Variants in MIF observed in about 807,000 individuals in gnomAD.
The protein encoded by MIF is macrophage migration inhibitory factor, also known as L-dopachrome isomerase.
MIF carries 16 observed loss-of-function variants against 11.3 expected under a neutral mutation model. The ratio of observed to expected loss-of-function variants is 1.42; its 90% CI spans 0.96 to 2.16. The LOEUF (loss-of-function observed/expected upper bound fraction) is 2.16, where lower values mean the gene tolerates loss of function less well. Among genes scored for constraint, MIF ranks in the 30% most tolerant of loss-of-function variants. MIF has a pLI of 0.00. For synonymous variants in MIF, 83 were observed against 74.2 expected (o/e 1.12, Z -0.61); for missense variants, 229 against 165.3 (o/e 1.39, Z -2.11).
At position 23,894,521 on chromosome 22, in the gene MIF, C is replaced by A. The variant is rs201862457; in HGVS notation, c.47C>A (p.Pro16Gln). 6.2e-7 allele frequency: 1 copy of A among 1,613,256 alleles called. No homozygotes were observed. The highest frequency in any genetic ancestry group is 1.1e-5 in the South Asian group (1 of 91,084). Residue 16 changes from proline to glutamine, a missense_variant, in exon 1 of 3, where the codon CCG (proline) becomes CAG (glutamine). By Grantham distance (76) the Pro-to-Gln change is moderately conservative. Transcript: ENST00000215754. Reference sequence around the variant, plus strand: ...ACCAACGTGCCCCGCGCCTCCGTGCCGGACGGGTTCCTCTCCGAGCTCACC... The same window carrying A: ...ACCAACGTGCCCCGCGCCTCCGTGCAGGACGGGTTCCTCTCCGAGCTCACC... ...VNTNVPRASV[P>Q]DGFLSELTQQ...
chr22:23,895,151 C>T lies in MIF; in HGVS notation c.*45C>T. ...TGTCTGCGCTGGCTCCACCCGGGAA[C>T]CCGCCGCACGCTGTGTTCTAGGCCC... On this transcript the variant is annotated 3_prime_UTR_variant, in exon 3 of 3. Transcript: ENST00000215754. 1.9e-6 allele frequency: 3 copies of T among 1,538,514 alleles called. No homozygotes were observed. The highest frequency in any genetic ancestry group is 2.6e-6 in the Non-Finnish European group (3 of 1,135,168).
rs200809051 is a variant in MIF at position 23,895,035 on chromosome 22, C to T, written c.282-5C>T. On this transcript the variant is annotated splice_region_variant and splice_polypyrimidine_tract_variant and intron_variant, in intron 2 of 2. Coordinates refer to ENST00000215754, the MANE Select transcript of MIF (RefSeq NM_002415.2). ...CCCGCTGAGTCCGGCCTCCTCCCCC[C>T]GCAGGGTCTACATCAACTATTACGA... 1 of 1,546,834 alleles carries T rather than the reference C, an allele frequency of 6.5e-7. No homozygotes were observed. The highest frequency in any genetic ancestry group is 1.9e-5 in the Admixed American group (1 of 51,348).
rs776261679 is a variant in MIF, at chr22:23,895,067, C to T, written c.309C>T (p.Asn103=). 9 of 1,558,964 alleles carry T rather than the reference C, an allele frequency of 5.8e-6. No homozygotes were observed. The Admixed American group carries it at 7.6e-5, about 13-fold the overall frequency. The change falls in exon 3 of 3, where the codon AAC becomes AAT. Residue 103 remains asparagine (N), a synonymous_variant. Coordinates refer to ENST00000215754, the MANE Select transcript of MIF (RefSeq NM_002415.2). ...DRVYINYYDM[N]AANVGWNNST... Reference sequence around the variant, plus strand: ...TCTACATCAACTATTACGACATGAACGCGGCCAATGTGGGCTGGAACAACT... The same window carrying T: ...TCTACATCAACTATTACGACATGAATGCGGCCAATGTGGGCTGGAACAACT...
In MIF at chr22:23,894,919, G is replaced by A. The variant is rs201060788; in HGVS notation, c.256G>A (p.Glu86Lys). Reference protein sequence around the residue: ...YSKLLCGLLAERLRISPDRVY... With the variant: ...YSKLLCGLLAKRLRISPDRVY... ...CAAGCTGCTGTGCGGCCTGCTGGCC[G>A]AGCGCCTGCGCATCAGCCCGGACAG... The change falls in exon 2 of 3, where the codon GAG (glutamate) becomes AAG (lysine). Residue 86 changes from glutamate to lysine, a missense_variant. Physicochemically the swap from Glu to Lys is moderately conservative, Grantham distance 56. Transcript: ENST00000215754. 1.3e-6 allele frequency: 2 copies of A among 1,553,632 alleles called. No homozygotes were observed. Among genetic ancestry groups the A allele is most frequent in the African/African-American group, 1.4e-5 (1 of 73,402 alleles).
Position 23,894,824 on chromosome 22 carries a change from G to T in MIF, c.161G>T (p.Ser54Ile), listed in dbSNP as rs763503862. Residue 54 changes from serine (S) to isoleucine (I), a missense_variant, in exon 2 of 3, where the codon AGC becomes ATC. Transcript: ENST00000215754. ...PDQLMAFGGS[S>I]EPCALCSLHS... ...CAGCTCATGGCCTTCGGCGGCTCCA[G>T]CGAGCCGTGCGCGCTCTGCAGCCTG... The T allele has an allele frequency of 1.3e-6, 2 of 1,555,032 alleles. No individual in the cohort carries two copies. Among genetic ancestry groups the T allele is most frequent in the Non-Finnish European group, 1.7e-6 (2 of 1,155,100 alleles).
rs1803649 is a variant in MIF, at chr22:23,894,460, G to A, written c.-15G>A. On this transcript the variant is annotated 5_prime_UTR_variant, in exon 1 of 3. Transcript: ENST00000215754. ...GTCTGTGCCTCTGCGCGGGTCTCCT[G>A]GTCCTTCTGCCATCATGCCGATGTT... is the stretch of plus-strand genomic sequence containing the variant. 6.2e-7 allele frequency: 1 copy of A among 1,608,488 alleles called. No individual in the cohort carries two copies. The highest frequency in any genetic ancestry group is 1.3e-5 in the African/African-American group (1 of 74,808).
chr22:23,894,596 G>C lies in MIF; in HGVS notation c.108+14G>C. The C allele has an allele frequency of 6.2e-7, 1 of 1,610,046 alleles. No individual in the cohort carries two copies. On this transcript the variant is annotated intron_variant, in intron 1 of 2. Coordinates refer to ENST00000215754, the MANE Select transcript of MIF (RefSeq NM_002415.2). Reference sequence around the variant, plus strand: ...AAGCCCCCCCAGGTTTGCCGGGAGGGGACAGGAAGAGGGGGGTGCCCACCG... The same window carrying C: ...AAGCCCCCCCAGGTTTGCCGGGAGGCGACAGGAAGAGGGGGGTGCCCACCG...
In MIF at chr22:23,894,449, G is replaced by T; in HGVS notation, c.-26G>T. The T allele has an allele frequency of 1.3e-6, 2 of 1,590,180 alleles. No homozygotes were observed. The highest frequency in any genetic ancestry group is 4.5e-5 in the East Asian group (2 of 44,734). On this transcript the variant is annotated 5_prime_UTR_variant, in exon 1 of 3. Coordinates refer to ENST00000215754, the MANE Select transcript of MIF (RefSeq NM_002415.2). ...GCGGCGCGTGCGTCTGTGCCTCTGC[G>T]CGGGTCTCCTGGTCCTTCTGCCATC... is the stretch of plus-strand genomic sequence containing the variant.
chr22:23,894,636 C>T (rs1033854869), intron 1 of MIF, 54 bp downstream of exon 1: 2 of 1,492,908 alleles, frequency 1.3e-6, no homozygotes, highest in Non-Finnish European at 9.1e-7. Context: ...AGGGGTTCCG[C>T]GCTGGGAGCT....
Position 23,894,856 on chromosome 22 carries a change from A to T in MIF, c.193A>T (p.Ile65Phe). The change falls in exon 2 of 3, where the codon ATC becomes TTC. Residue 65 changes from isoleucine to phenylalanine, a missense_variant. Transcript: ENST00000215754. Reference protein sequence around the residue: ...EPCALCSLHSIGKIGGAQNRS... With the variant: ...EPCALCSLHSFGKIGGAQNRS... ...GTGCGCGCTCTGCAGCCTGCACAGC[A>T]TCGGCAAGATCGGCGGCGCGCAGAA... 3 of 1,554,334 alleles carry T rather than the reference A, an allele frequency of 1.9e-6. No homozygotes were observed. The highest frequency in any genetic ancestry group is 2.6e-6 in the Non-Finnish European group (3 of 1,153,544).
At position 23,894,487 on chromosome 22, in the gene MIF, A is replaced by G. The variant is rs1049664256; in HGVS notation, c.13A>G (p.Ile5Val). ...TCCTTCTGCCATCATGCCGATGTTC[A>G]TCGTAAACACCAACGTGCCCCGCGC... MPMFIVNTNVPRASV... is the reference protein window; with the variant it reads MPMFVVNTNVPRASV... The change falls in exon 1 of 3, where the codon ATC becomes GTC. Residue 5 changes from isoleucine (I) to valine (V), a missense_variant. Physicochemically the swap from Ile to Val is conservative, Grantham distance 29. Transcript: ENST00000215754. 1.2e-6 allele frequency: 2 copies of G among 1,613,116 alleles called. No homozygotes were observed.
chr22:23,895,075 A>T lies in MIF; in HGVS notation c.317A>T (p.Asn106Ile). ...YINYYDMNAA[N>I]VGWNNSTFA The stretch of plus-strand genomic sequence containing the variant: ...AACTATTACGACATGAACGCGGCCA[A>T]TGTGGGCTGGAACAACTCCACCTTC... Residue 106 changes from asparagine to isoleucine, a missense_variant, in exon 3 of 3, where the codon AAT becomes ATT. Asn to Ile is a moderately radical substitution (Grantham distance 149). Coordinates refer to ENST00000215754, the MANE Select transcript of MIF (RefSeq NM_002415.2). 6.4e-7 allele frequency: 1 copy of T among 1,559,718 alleles called. No homozygotes were observed. The highest frequency in any genetic ancestry group is 8.7e-7 in the Non-Finnish European group (1 of 1,151,440).
chr22:23,895,111 C>A lies in MIF; in HGVS notation c.*5C>A. 6.4e-7 allele frequency: 1 copy of A among 1,553,906 alleles called. No homozygotes were observed. Among genetic ancestry groups the A allele is most frequent in the South Asian group, 1.2e-5 (1 of 84,300 alleles). On this transcript the variant is annotated 3_prime_UTR_variant, in exon 3 of 3. Coordinates refer to ENST00000215754, the MANE Select transcript of MIF (RefSeq NM_002415.2). ...AACAACTCCACCTTCGCCTAAGAGCCGCAGGGACCCACGCTGTCTGCGCTG... is the reference window on the plus strand; with the variant it reads ...AACAACTCCACCTTCGCCTAAGAGCAGCAGGGACCCACGCTGTCTGCGCTG...
rs993319581 is a variant in MIF, at chr22:23,895,160, C to T, written c.*54C>T. 6 of 1,525,516 alleles carry T rather than the reference C, an allele frequency of 3.9e-6. No individual in the cohort carries two copies. In the Admixed American group the frequency reaches 9.8e-5, roughly 25 times the overall value. The allele number at this position is 1,525,516 out of a possible 1,614,324, so 94.5% of individuals were successfully genotyped here. ...TGGCTCCACCCGGGAACCCGCCGCA[C>T]GCTGTGTTCTAGGCCCGCCCACCCC... On this transcript the variant is annotated 3_prime_UTR_variant, in exon 3 of 3. Transcript: ENST00000215754.
At position 23,895,155 on chromosome 22, in the gene MIF, C is replaced by G. The variant is rs2033136931; in HGVS notation, c.*49C>G. On this transcript the variant is annotated 3_prime_UTR_variant, in exon 3 of 3. Coordinates refer to ENST00000215754, the MANE Select transcript of MIF (RefSeq NM_002415.2). ...TGCGCTGGCTCCACCCGGGAACCCG[C>G]CGCACGCTGTGTTCTAGGCCCGCCC... 6.5e-7 allele frequency: 1 copy of G among 1,534,504 alleles called. No individual in the cohort carries two copies. The highest frequency in any genetic ancestry group is 8.8e-7 in the Non-Finnish European group (1 of 1,131,492).
rs1263758976 is a variant in MIF, at chr22:23,894,951, G to T, written c.281+7G>T. On this transcript the variant is annotated splice_region_variant and intron_variant, in intron 2 of 2. Transcript: ENST00000215754. ...TGCGCATCAGCCCGGACAGGTACGC[G>T]GAGTCGCGGAGGGGCGGGGGAGGGG... 2.6e-6 allele frequency: 4 copies of T among 1,550,954 alleles called. No individual in the cohort carries two copies. The East Asian group carries it at 9.8e-5, about 38-fold the overall frequency.
chr22:23,894,666 G>A (rs1228045189), intron 1 of MIF, 84 bp downstream of exon 1: 3 of 1,479,404 alleles, frequency 2.0e-6, no homozygotes, highest in Admixed American at 2.1e-5. Flanking sequence ...ACTCCTGAAC[G>A]GAGCTGGGGG....
At chr22:23,894,627 G>C in intron 1 of MIF, 45 bp downstream of exon 1, 1 of 1,582,714 alleles carries the variant, frequency 6.3e-7, no homozygotes, top group Non-Finnish European at 8.6e-7. Flanking sequence ...CACCGGACGA[G>C]GGGTTCCGCG....
Position 23,894,755 on chromosome 22 carries a change from G to A in MIF, c.109-17G>A, listed in dbSNP as rs1943186394. The A allele has an allele frequency of 6.6e-7, 1 of 1,512,438 alleles. No individual in the cohort carries two copies. Among genetic ancestry groups the A allele is most frequent in the African/African-American group, 1.4e-5 (1 of 72,510 alleles). The allele number at this position is 1,512,438 out of a possible 1,614,324, so 93.7% of individuals were successfully genotyped here. ...ACGAGGTCGCTGGGGCGGGCTGACC[G>A]CGCCCTTTCCTCGCAGTACATCGCG... On this transcript the variant is annotated splice_polypyrimidine_tract_variant and intron_variant, in intron 1 of 2. Coordinates refer to ENST00000215754, the MANE Select transcript of MIF (RefSeq NM_002415.2).
Sources: gnomAD v4.1 joint callset for allele counts on GRCh38, gnomAD v4.1.1 for gene constraint, MANE v1.5 for transcripts, NCBI Gene and HGNC (gene_info 2026-07-23, HGNC 2026-07-21) for gene names.